CTNNA3: variants seen among roughly 807,000 people sequenced by gnomAD.
CTNNA3 encodes the protein catenin alpha-3.
A neutral mutation model predicts 95.7 loss-of-function variants in CTNNA3; 76 were observed. The observed-to-expected ratio is 0.79, with a 90% CI of 0.66 to 0.96. The LOEUF is 0.96. Ranked by LOEUF, CTNNA3 falls within the 40% of genes least tolerant of loss-of-function variation. The probability of loss-of-function intolerance (pLI) is 0.00; values close to 1 mark genes in which losing one functional copy is unlikely to be tolerated. For missense variants in CTNNA3, 1,191 were observed against 1,089.8 expected (o/e 1.09, Z -1.31); for synonymous variants, 431 against 374.4 (o/e 1.15, Z -1.74).
At chr10:66,340,808 G>A (rs371803662) in intron 12 of CTNNA3, among the ~76,000 whole-genome samples, 25 of 151,394 alleles carry the variant, frequency 1.7e-4, no homozygotes, top group East Asian at 7.7e-4. Context: ...AAAATGTGGC[G>A]AAAAAAAGGT....
At chr10:67,294,228 C>T (rs1839948637) in intron 5 of CTNNA3, among the ~76,000 whole-genome samples, 1 of 152,054 alleles carries the variant, frequency 6.6e-6, no homozygotes, top group Non-Finnish European at 1.5e-5. Context: ...AAAAATAAAT[C>T]AATGAGTATT....
intron 7 of CTNNA3, among the ~76,000 whole-genome samples, chr10:66,892,307 G>T (rs1033564364): frequency 1.3e-5 from 2 of 151,952 alleles, no homozygotes; most frequent in Non-Finnish European, 2.9e-5. Context: ...TTTTGAATCT[G>T]TTTCTTGTTT....
At chr10:67,260,983 C>T (rs942080674) in intron 5 of CTNNA3, among the ~76,000 whole-genome samples, 3 of 152,138 alleles carry the variant, frequency 2.0e-5, no homozygotes, top group Admixed American at 6.5e-5. Context: ...CCACGCCCAG[C>T]GACTTTCACT....
Position 67,483,664 on chromosome 10 carries a change from C to T in CTNNA3, c.579+38178G>A, listed in dbSNP as rs532374836. Among the ~76,000 whole-genome samples the T allele has an allele frequency of 3.1e-3, 471 of 150,712 alleles. 2 individuals carry two copies. Among genetic ancestry groups the T allele is most frequent in the African/African-American group, 0.011 (446 of 40,872 alleles). On this transcript the variant is annotated intron_variant, in intron 5 of 17. Transcript: ENST00000433211. ...AGGAGATATACCTAATGCTAAATGACGAGTTAATGGGTGCAGCACACCAGC... is the reference window on the plus strand; with the variant it reads ...AGGAGATATACCTAATGCTAAATGATGAGTTAATGGGTGCAGCACACCAGC...
At chr10:66,987,063 G>T (rs951833400) in intron 7 of CTNNA3, among the ~76,000 whole-genome samples, 4 of 152,140 alleles carry the variant, frequency 2.6e-5, no homozygotes, top group African/African-American at 9.7e-5. Flanking sequence ...AGAAAGAATA[G>T]CAAGTGCAAA....
chr10:66,480,829 TC>T (rs1839496730), intron 11 of CTNNA3, among the ~76,000 whole-genome samples: 1 of 152,084 alleles, frequency 6.6e-6, no homozygotes, highest in African/African-American at 2.4e-5. Flanking sequence ...GGTCTCGATC[TC>T]CTGACCTCGT....
At chr10:67,237,153 T>TG (rs1865519532) in intron 5 of CTNNA3, among the ~76,000 whole-genome samples, 3 of 75,130 alleles carry the variant, frequency 4.0e-5, no homozygotes, top group Non-Finnish European at 7.6e-5. Context: ...TATATATATA[T>TG]ATATATATAT....
At chr10:67,063,058 A>C (rs1855856253) in intron 7 of CTNNA3, among the ~76,000 whole-genome samples, 1 of 152,144 alleles carries the variant, frequency 6.6e-6, no homozygotes, top group Admixed American at 6.5e-5. Context: ...CTGACTTGAA[A>C]TATTAAGTGT....
At chr10:66,824,364 A>G (rs551987553) in intron 7 of CTNNA3, among the ~76,000 whole-genome samples, 1 of 152,334 alleles carries the variant, frequency 6.6e-6, no homozygotes, top group African/African-American at 2.4e-5. Flanking sequence ...TATTGAAGCA[A>G]TAAGTACACA....
At chr10:67,376,474 A>G (rs1316464679) in intron 5 of CTNNA3, among the ~76,000 whole-genome samples, 2 of 152,248 alleles carry the variant, frequency 1.3e-5, no homozygotes, top group African/African-American at 4.8e-5. Context: ...AGTCCTCATC[A>G]AACAGTTGAT....
intron 3 of CTNNA3, among the ~76,000 whole-genome samples, chr10:67,591,603 C>G (rs73268161): frequency 0.1 from 15,130 of 151,770 alleles, 1,497 homozygotes; most frequent in African/African-American, 0.26. Flanking sequence ...GATTATTAAC[C>G]ATAATATGTT....
intron 5 of CTNNA3, among the ~76,000 whole-genome samples, chr10:67,227,460 G>T (rs1255266418): frequency 6.6e-6 from 1 of 152,178 alleles, no homozygotes; most frequent in South Asian, 2.1e-4. Flanking sequence ...GACAAAGAGG[G>T]ACATTATATA....
intron 7 of CTNNA3, among the ~76,000 whole-genome samples, chr10:66,957,459 T>TATATATATGC: frequency 4.0e-5 from 1 of 25,176 alleles, no homozygotes; most frequent in Middle Eastern, 0.036. Context: ...TATATATGCA[T>TATATATATGC]ATATATATAT....
At chr10:67,282,826 T>C (rs1255331597) in intron 5 of CTNNA3, among the ~76,000 whole-genome samples, 1 of 152,156 alleles carries the variant, frequency 6.6e-6, no homozygotes, top group Non-Finnish European at 1.5e-5. Context: ...ACATTTTTAT[T>C]TGACCTTCTC....
intron 12 of CTNNA3, among the ~76,000 whole-genome samples, chr10:66,350,645 T>C (rs2092560087): frequency 6.8e-6 from 1 of 147,654 alleles, no homozygotes; most frequent in African/African-American, 2.5e-5. Context: ...TGCTGAAGGG[T>C]CAATTGGGAA....
At chr10:66,351,766 T>A (rs775903568) in intron 12 of CTNNA3, among the ~76,000 whole-genome samples, 10 of 151,976 alleles carry the variant, frequency 6.6e-5, no homozygotes, top group Non-Finnish European at 1.3e-4. Flanking sequence ...ATTTCCTAAT[T>A]AAGTGTGTGA....
chr10:66,685,899 T>G (rs1847279271), intron 9 of CTNNA3, among the ~76,000 whole-genome samples: 1 of 152,130 alleles, frequency 6.6e-6, no homozygotes, highest in African/African-American at 2.4e-5. Flanking sequence ...TTCTTGATAA[T>G]AAATAGAGGG....
At chr10:66,259,332 G>A (rs2090909816) in intron 13 of CTNNA3, among the ~76,000 whole-genome samples, 2 of 152,090 alleles carry the variant, frequency 1.3e-5, no homozygotes, top group Non-Finnish European at 2.9e-5. Context: ...AGACAGACCT[G>A]GGGCCCCTCT....
Position 66,478,680 on chromosome 10 carries a change from G to A in CTNNA3, c.1531+41937C>T, listed in dbSNP as rs184012927. ...CAATTTTATTTCAACAATGTAACTAGTAATTTTGCAAATATAATGTAATTA... is the reference window on the plus strand; with the variant it reads ...CAATTTTATTTCAACAATGTAACTAATAATTTTGCAAATATAATGTAATTA... On this transcript the variant is annotated intron_variant, in intron 11 of 17. Transcript: ENST00000433211. Among the ~76,000 whole-genome samples, 610 of 151,698 alleles carry A rather than the reference G, an allele frequency of 4.0e-3. 8 individuals carry two copies. Among genetic ancestry groups the A allele is most frequent in the African/African-American group, 0.014 (597 of 41,480 alleles).
Sources: allele counts gnomAD v4.1 joint callset (sites outside exome capture counted in the v4.1 genomes callset), GRCh38; gene constraint gnomAD v4.1.1; transcripts MANE v1.5; gene names NCBI Gene and HGNC (gene_info 2026-07-23, HGNC 2026-07-21).